Variants in IL16 observed in about 807,000 individuals in gnomAD.
The protein encoded by IL16 is pro-interleukin-16.
IL16 carries 67 observed loss-of-function variants against 110.1 expected under a neutral mutation model. The observed-to-expected ratio is 0.61, with a 90% CI of 0.50 to 0.75. The LOEUF (loss-of-function observed/expected upper bound fraction) is 0.75, where lower values mean the gene tolerates loss of function less well. IL16 is among the 30% of genes least tolerant of loss of function. IL16 has a pLI of 0.00. For missense variants in IL16, 1,545 were observed against 1,655.0 expected, an observed-to-expected ratio of 0.93 and a Z score of 1.15; for synonymous variants, 689 against 662.9, an observed-to-expected ratio of 1.04 and a Z score of -0.61.
At chr15:81,222,374 GTT>G (rs3086708) in intron 1 of IL16, among the ~76,000 whole-genome samples, 11,881 of 136,970 alleles carry the variant, frequency 0.087, 487 homozygotes, top group Middle Eastern at 0.1. Context: ...TTCCAGGAGG[GTT>G]TTTTTTTTTT....
chr15:81,269,489 TG>T (rs1454674419), intron 4 of IL16, 48 bp from the exon 5 acceptor site: 2 of 1,265,780 alleles, frequency 1.6e-6, no homozygotes, highest in Admixed American at 1.7e-5. Flanking sequence ...AGGCATGTGC[TG>T]CTGTCCTATG....
chr15:81,217,023 GA>G (rs5814045), intron 1 of IL16, among the ~76,000 whole-genome samples: 7,767 of 151,618 alleles, frequency 0.051, 682 homozygotes, highest in African/African-American at 0.18. Flanking sequence ...CTTGAAGATA[GA>G]AAAAAAATAA....
At chr15:81,255,431 C>T (rs1164832786) in intron 2 of IL16, among the ~76,000 whole-genome samples, 1 of 152,222 alleles carries the variant, frequency 6.6e-6, no homozygotes, top group East Asian at 1.9e-4. Flanking sequence ...ACTTCAGAGA[C>T]TGGCTGCATG....
chr15:81,198,326 G>A (rs890069452), intron 1 of IL16, among the ~76,000 whole-genome samples: 2 of 152,042 alleles, frequency 1.3e-5, no homozygotes, highest in Non-Finnish European at 2.9e-5. Flanking sequence ...CAAACCGAGA[G>A]GTGAGGAGGC....
At chr15:81,215,830 G>A (rs1210747809) in intron 1 of IL16, among the ~76,000 whole-genome samples, 1 of 152,190 alleles carries the variant, frequency 6.6e-6, no homozygotes, top group African/African-American at 2.4e-5. Flanking sequence ...CTGAGCTGCT[G>A]TACTGTGGCC....
Position 81,197,067 on chromosome 15 carries a change from T to C in IL16, c.-187T>C, listed in dbSNP as rs1186084055. ...CAGGCTGTCCGGGAATAAGTGGTGC[T>C]GCAATCCCTGCTGGGCAGATGGAGA... On this transcript the variant is annotated 5_prime_UTR_variant, in exon 1 of 19. Transcript: ENST00000683961. 3 of 1,288,816 alleles carry C rather than the reference T, an allele frequency of 2.3e-6. No homozygotes were observed. Among genetic ancestry groups the C allele is most frequent in the Non-Finnish European group, 3.0e-6 (3 of 988,514 alleles). The allele number at this position is 1,288,816 out of a possible 1,614,324, so 79.8% of individuals were successfully genotyped here.
chr15:81,188,355 G>C (rs1895446723), intron 1 of IL16: 1 of 456,220 alleles, frequency 2.2e-6, no homozygotes, highest in Non-Finnish European at 4.4e-6. Context: ...CATTGCAGAG[G>C]GTGTGTGGAG....
At chr15:81,288,248 G>A (rs1041408743) in intron 10 of IL16, among the ~76,000 whole-genome samples, 4 of 142,994 alleles carry the variant, frequency 2.8e-5, no homozygotes, top group African/African-American at 1.0e-4. Flanking sequence ...TGCCTGGCAT[G>A]TGTCCAGTCT....
chr15:81,256,798 G>A (rs1219324494), intron 2 of IL16, among the ~76,000 whole-genome samples: 6 of 152,156 alleles, frequency 3.9e-5, no homozygotes, highest in South Asian at 2.1e-4. Context: ...CCAACTGGCT[G>A]TTTTACTAGG....
chr15:81,196,798 T>A, upstream of IL16: 1 of 1,086,600 alleles, frequency 9.2e-7, no homozygotes, highest in Non-Finnish European at 1.1e-6. Context: ...GCAGCCCCCC[T>A]TTTTGGATCA....
intron 1 of IL16, among the ~76,000 whole-genome samples, chr15:81,209,542 A>G (rs910984197): frequency 6.6e-6 from 1 of 152,016 alleles, no homozygotes; most frequent in African/African-American, 2.4e-5. Flanking sequence ...TCTTTTTTTT[A>G]AGGAGCACAG....
intron 2 of IL16, among the ~76,000 whole-genome samples, chr15:81,253,919 A>T (rs1897855833): frequency 6.6e-6 from 1 of 152,042 alleles, no homozygotes; most frequent in Admixed American, 6.5e-5. Context: ...CTGGTTCCCA[A>T]CCTTCCCCTC....
At chr15:81,301,263 T>G (rs1596053878) in intron 14 of IL16, 81 bp from the exon 15 acceptor site, 1 of 1,308,814 alleles carries the variant, frequency 7.6e-7, no homozygotes, top group East Asian at 2.4e-5. Flanking sequence ...GCACCACACC[T>G]GGGACATAGT....
Position 81,303,600 on chromosome 15 carries a change from C to T in IL16, c.3370C>T (p.Leu1124Phe), listed in dbSNP as rs764460624. The change falls in exon 16 of 19, where the codon CTT (leucine) becomes TTT (phenylalanine). Residue 1124 changes from leucine to phenylalanine, a missense_variant. Around this residue, in one of 3 missense-constraint regions of IL16, gnomAD observed 356 missense variants for 399.3 expected, o/e 0.89. Coordinates refer to ENST00000683961, the MANE Select transcript of IL16 (RefSeq NM_172217.5). The surrounding 1 kb of genome is among the most constrained non-coding windows in gnomAD (Gnocchi z 4.1). ...CTTACACAAGGAGGAAGGTGCTGGT[C>T]TTGGGTTCAGCTTGGCAGGAGGAGC... Reference protein sequence around the residue: ...TILHKEEGAGLGFSLAGGADL... With the variant: ...TILHKEEGAGFGFSLAGGADL... 1.2e-6 allele frequency: 2 copies of T among 1,614,088 alleles called. No homozygotes were observed. The highest frequency in any genetic ancestry group is 2.2e-5 in the East Asian group (1 of 44,890).
intron 3 of IL16, among the ~76,000 whole-genome samples, chr15:81,260,800 C>T (rs1898122115): frequency 6.6e-6 from 1 of 152,168 alleles, no homozygotes; most frequent in Admixed American, 6.5e-5. Flanking sequence ...CTGTATGATG[C>T]ACCATCCTTA....
At chr15:81,307,225 G>A (rs761394616) in intron 18 of IL16, among the ~76,000 whole-genome samples, 13 of 152,226 alleles carry the variant, frequency 8.5e-5, no homozygotes, top group Non-Finnish European at 1.6e-4. Flanking sequence ...AGGGGTTGTA[G>A]AGAGAGGAGT....
rs1899066119 is a variant in IL16 at position 81,279,427 on chromosome 15, A to G, written c.865-131A>G. On this transcript the variant is annotated intron_variant, in intron 7 of 18. Coordinates refer to ENST00000683961, the MANE Select transcript of IL16 (RefSeq NM_172217.5). The stretch of plus-strand genomic sequence containing the variant: ...AATATGTCATAATATAATTTGTAAC[A>G]TGTATGAATATATGCGCACATTTAT... 4 of 627,534 alleles carry G rather than the reference A, an allele frequency of 6.4e-6. No homozygotes were observed. The East Asian group carries it at 1.1e-4, about 17-fold the overall frequency. The allele number at this position is 627,534 out of a possible 1,614,324, so 38.9% of individuals were successfully genotyped here. A position where few individuals can be genotyped will look rare whatever the true frequency, so the allele number is the denominator to read the frequency against.
In IL16 at chr15:81,300,170, G is replaced by C; in HGVS notation, c.2844G>C (p.Gln948His). 1 of 1,614,122 alleles carries C rather than the reference G, an allele frequency of 6.2e-7. No individual in the cohort carries two copies. Among genetic ancestry groups the C allele is most frequent in the East Asian group, 2.2e-5 (1 of 44,872 alleles). The part of the protein sequence containing the change: ...PDPLLRLLST[Q>H]AEESQGPVLK... ...CGCTCCTAAGGCTGCTGTCAACACA[G>C]GCTGAGGAATCTCAAGGCCCAGTGC... The change falls in exon 14 of 19, where the codon CAG becomes CAC. Residue 948 changes from glutamine (Q) to histidine (H), a missense_variant. Transcript: ENST00000683961.
At chr15:81,263,785 C>A (rs1465806591) in intron 3 of IL16, among the ~76,000 whole-genome samples, 3 of 152,186 alleles carry the variant, frequency 2.0e-5, no homozygotes, top group African/African-American at 4.8e-5. Flanking sequence ...CCACTGGCCA[C>A]CTTCAAGTCA....
Sources: allele counts gnomAD v4.1 joint callset (sites outside exome capture counted in the v4.1 genomes callset), GRCh38; gene constraint gnomAD v4.1.1; regional missense constraint gnomAD v4.1.1; non-coding constraint Gnocchi (gnomAD v3.1); transcripts MANE v1.5; gene names NCBI Gene and HGNC (gene_info 2026-07-23, HGNC 2026-07-21).